Variants in LTBP2 observed in about 807,000 individuals in gnomAD.
LTBP2 encodes the protein latent transforming growth factor beta binding protein 2.
Under a neutral mutation model 210.6 loss-of-function variants are expected in LTBP2, and 103 were observed. The observed-to-expected ratio is 0.49, with a 90% CI of 0.42 to 0.58. The LOEUF (loss-of-function observed/expected upper bound fraction) is 0.58. Among genes scored for constraint, LTBP2 ranks in the 20% least tolerant of loss-of-function variants. The pLI is 0.00. For synonymous variants in LTBP2, 1,007 were observed against 1,015.0 expected (o/e 0.99, Z 0.15); for missense variants, 2,313 against 2,494.5 (o/e 0.93, Z 1.55).
intron 3 of LTBP2, among the ~76,000 whole-genome samples, chr14:74,574,273 TTAGTGC>T (rs1437118763): frequency 1.3e-5 from 2 of 152,150 alleles, no homozygotes; most frequent in African/African-American, 2.4e-5. Flanking sequence ...AACCACAACC[TTAGTGC>T]TAGTCAATCT....
At chr14:74,516,734 C>T (rs2139704087) in intron 18 of LTBP2, 88 bp downstream of exon 18, 1 of 1,521,636 alleles carries the variant, frequency 6.6e-7, no homozygotes, top group Non-Finnish European at 8.9e-7. Flanking sequence ...AGAGACAAGC[C>T]AGAAGGCGTG....
Position 74,555,666 on chromosome 14 carries a change from G to T in LTBP2, c.858C>A (p.His286Gln). The change falls in exon 4 of 36, where the codon CAC becomes CAA. Residue 286 changes from histidine to glutamine, a missense_variant. By Grantham distance (24) the His-to-Gln change is conservative. Transcript: ENST00000261978. Reference protein sequence around the residue: ...AGTLSGLSQTHPSQQHVGLSR... With the variant: ...AGTLSGLSQTQPSQQHVGLSR... ...ACAACCCCACGTGCTGCTGGGAAGG[G>T]TGGGTCTGGCTGAGGCCACTCAGGG... is the stretch of plus-strand genomic sequence containing the variant. 6.4e-7 allele frequency: 1 copy of T among 1,567,050 alleles called. No individual in the cohort carries two copies. The highest frequency in any genetic ancestry group is 2.3e-5 in the East Asian group (1 of 43,822).
intron 3 of LTBP2, among the ~76,000 whole-genome samples, chr14:74,563,218 T>C (rs1423311687): frequency 1.3e-5 from 2 of 152,204 alleles, no homozygotes; most frequent in Non-Finnish European, 2.9e-5. Context: ...TACTTGGCTC[T>C]CTCCCCTTTC....
rs1566636917 is a variant in LTBP2 at position 74,555,682 on chromosome 14, C to T, written c.842G>A (p.Gly281Asp). 1.3e-6 allele frequency: 2 copies of T among 1,551,412 alleles called. No individual in the cohort carries two copies. Among genetic ancestry groups the T allele is most frequent in the Non-Finnish European group, 8.7e-7 (1 of 1,144,374 alleles). The part of the protein sequence containing the change: ...PQSPPAGTLS[G>D]LSQTHPSQQH... Reference sequence around the variant, plus strand: ...CTGGGAAGGGTGGGTCTGGCTGAGGCCACTCAGGGTCCTGTGGAGACAACC... The same window carrying T: ...CTGGGAAGGGTGGGTCTGGCTGAGGTCACTCAGGGTCCTGTGGAGACAACC... Residue 281 changes from glycine to aspartate, a missense_variant, in exon 4 of 36, where the codon GGC (glycine) becomes GAC (aspartate). Gly to Asp is a moderately conservative substitution (Grantham distance 94, BLOSUM62 -1). Coordinates refer to ENST00000261978, the MANE Select transcript of LTBP2 (RefSeq NM_000428.3).
intron 3 of LTBP2, among the ~76,000 whole-genome samples, chr14:74,563,659 G>C (rs979705963): frequency 1.3e-5 from 2 of 152,064 alleles, no homozygotes; most frequent in Non-Finnish European, 2.9e-5. Flanking sequence ...CTCAAGACAT[G>C]AGCAAATGAT....
chr14:74,521,987 G>A lies in LTBP2; in HGVS notation c.2712C>T (p.Asn904=). ...AGAAGCAGGAGTAGGACCCCACGCG[G>A]TTGATGCAGCGCCCTTTTCCCTTGC... ...DPCKGKGRCI[N]RVGSYSCFCY... The change falls in exon 17 of 36, where the codon AAC becomes AAT. Residue 904 remains asparagine (N), a synonymous_variant. Transcript: ENST00000261978. 1 of 1,614,174 alleles carries A rather than the reference G, an allele frequency of 6.2e-7. No homozygotes were observed. Among genetic ancestry groups the A allele is most frequent in the Non-Finnish European group, 8.5e-7 (1 of 1,180,012 alleles).
At chr14:74,559,975 C>T (rs1433497696) in intron 3 of LTBP2, 4 of 152,136 alleles carry the variant, frequency 2.6e-5, no homozygotes, top group African/African-American at 9.7e-5. Context: ...GACAGAGGTT[C>T]CCAAACTCAC....
At chr14:74,609,458 C>T (rs1595307190) in intron 1 of LTBP2, among the ~76,000 whole-genome samples, 1 of 152,152 alleles carries the variant, frequency 6.6e-6, no homozygotes, top group South Asian at 2.1e-4. Flanking sequence ...TCCCCCGCAC[C>T]TCACCTGCAC....
chr14:74,546,477 A>G (rs936329509), intron 8 of LTBP2, among the ~76,000 whole-genome samples: 6 of 152,110 alleles, frequency 3.9e-5, no homozygotes, highest in Non-Finnish European at 8.8e-5. Flanking sequence ...ACAACGCCCA[A>G]CTGCACTTTC....
At chr14:74,501,360 G>C (rs1408946188) in intron 35 of LTBP2, 81 bp downstream of exon 35, 11 of 1,598,316 alleles carry the variant, frequency 6.9e-6, no homozygotes, top group African/African-American at 2.7e-5. Context: ...AGGCAGCAGT[G>C]GCTCTTCCAG....
At chr14:74,561,963 A>G (rs973515064) in intron 3 of LTBP2, among the ~76,000 whole-genome samples, 1 of 152,152 alleles carries the variant, frequency 6.6e-6, no homozygotes, top group Non-Finnish European at 1.5e-5. Flanking sequence ...TAATCTCAGC[A>G]CTTTGGGAGG....
intron 17 of LTBP2, among the ~76,000 whole-genome samples, 161 bp from the exon 18 acceptor site, chr14:74,517,102 G>A (rs1482753052): frequency 1.3e-5 from 2 of 152,176 alleles, no homozygotes; most frequent in African/African-American, 2.4e-5. Context: ...GCCTGGAGGG[G>A]CTCCTGGGCC....
intron 9 of LTBP2, among the ~76,000 whole-genome samples, chr14:74,535,419 G>T (rs568624634): frequency 1.3e-5 from 2 of 152,292 alleles, no homozygotes; most frequent in African/African-American, 4.8e-5. Flanking sequence ...GCCTGTCCCA[G>T]GCAGGAAGCC....
chr14:74,504,698 C>T (rs970212050), intron 30 of LTBP2, 80 bp downstream of exon 30: 19 of 1,429,888 alleles, frequency 1.3e-5, no homozygotes, highest in Non-Finnish European at 1.8e-5. Flanking sequence ...GGATGCAGAA[C>T]TTCCCCAGGG....
In LTBP2 at chr14:74,516,941, T is replaced by C. The variant is rs1307405477; in HGVS notation, c.2789A>G (p.Asp930Gly). 2 of 1,551,270 alleles carry C rather than the reference T, an allele frequency of 1.3e-6. No individual in the cohort carries two copies. Among genetic ancestry groups the C allele is most frequent in the Non-Finnish European group, 1.7e-6 (2 of 1,147,084 alleles). Residue 930 changes from aspartate (D) to glycine (G), a missense_variant and splice_region_variant, in exon 18 of 36, where the codon GAT becomes GGT. Physicochemically the swap from Asp to Gly is moderately conservative, Grantham distance 94. Transcript: ENST00000261978. ...CCCTGGCTGCTCACACTCATTGATA[T>C]CTGTGAACACACAGAAAAGCCCTGA... ...ATSGATQECQ[D>G]INECEQPGVC...
chr14:74,558,074 G>A (rs1000014604), intron 3 of LTBP2, among the ~76,000 whole-genome samples: 4 of 152,324 alleles, frequency 2.6e-5, no homozygotes, highest in African/African-American at 9.6e-5. Context: ...ACCAGGCCAT[G>A]AGCAAACTCC....
intron 9 of LTBP2, among the ~76,000 whole-genome samples, chr14:74,534,164 A>G (rs1321699402): frequency 1.3e-5 from 2 of 152,180 alleles, no homozygotes; most frequent in Non-Finnish European, 2.9e-5. Context: ...GACTGTGGCC[A>G]CAGTGGGATG....
intron 22 of LTBP2, 71 bp from the exon 23 acceptor site, chr14:74,509,023 T>A: frequency 6.2e-7 from 1 of 1,601,528 alleles, no homozygotes; most frequent in African/African-American, 1.3e-5. Context: ...AAGGGGGAAG[T>A]CTCCAGAGGA....
chr14:74,513,328 CT>C (rs1232511896), intron 18 of LTBP2, among the ~76,000 whole-genome samples: 14 of 152,232 alleles, frequency 9.2e-5, no homozygotes, highest in African/African-American at 3.4e-4. Context: ...GGCCAACGAA[CT>C]GTGAGTGCGT....
Sources: gnomAD v4.1 joint callset for allele counts (sites outside exome capture counted in the v4.1 genomes callset) on GRCh38, gnomAD v4.1.1 for gene constraint, MANE v1.5 for transcripts, NCBI Gene and HGNC (gene_info 2026-07-23, HGNC 2026-07-21) for gene names.